PDE4A: variants seen among roughly 807,000 people sequenced by gnomAD.
The protein encoded by PDE4A is phosphodiesterase 4A.
Under a neutral mutation model 73.9 loss-of-function variants are expected in PDE4A, and 21 were observed. The observed-to-expected ratio is 0.28, with a 90% CI of 0.20 to 0.41. The LOEUF (loss-of-function observed/expected upper bound fraction) is 0.41, where lower values mean the gene tolerates loss of function less well. PDE4A is among the 10% of genes least tolerant of loss of function. The pLI is 1.00. For missense variants in PDE4A, 958 were observed against 1,211.4 expected (o/e 0.79, Z 3.10); for synonymous variants, 463 against 505.4 (o/e 0.92, Z 1.13).
chr19:10,466,796 T>A, intron 14 of PDE4A, 91 bp from the exon 15 acceptor site: 1 of 1,523,458 alleles, frequency 6.6e-7, no homozygotes, highest in Non-Finnish European at 8.8e-7. Context: ...GCCCGGCCCA[T>A]AAGCATGTTT....
rs749126870 is a variant in PDE4A at position 10,465,683 on chromosome 19, C to CTTTT, written c.1927-1173_1927-1170dup. 1.9e-3 allele frequency among the ~76,000 whole-genome samples: 90 copies of CTTTT among 48,390 alleles called. 3 individuals are homozygous for CTTTT. The highest frequency in any genetic ancestry group is 3.2e-3 in the East Asian group (5 of 1,586). 31.7% of individuals were successfully genotyped at this position (48,390 alleles called of 152,430 possible). A position where few individuals can be genotyped will look rare whatever the true frequency, so the allele number is the denominator to read the frequency against. Reference sequence around the variant, plus strand: ...TCATAGCAATAGTTTGTGGCTTTAGCTTTTTTTTTTTTTTTTTTTTTTTTT... The same window carrying CTTTT: ...TCATAGCAATAGTTTGTGGCTTTAGCTTTTTTTTTTTTTTTTTTTTTTTTTTTTT... On this transcript the variant is annotated intron_variant, in intron 14 of 14. Coordinates refer to ENST00000380702, the MANE Select transcript of PDE4A (RefSeq NM_001111307.2).
intron 6 of PDE4A, among the ~76,000 whole-genome samples, chr19:10,454,158 GT>G (rs2043136219): frequency 6.6e-6 from 1 of 152,158 alleles, no homozygotes; most frequent in South Asian, 2.1e-4. Flanking sequence ...CCCTTCTGGG[GT>G]TGGGGGAGAG....
At chr19:10,464,553 A>C in intron 14 of PDE4A, 1 of 419,538 alleles carries the variant, frequency 2.4e-6, no homozygotes, top group South Asian at 1.7e-5. Flanking sequence ...AGTAGCTGAG[A>C]ATACAGGTGC....
upstream of PDE4A, chr19:10,420,324 C>A (rs2042631558): frequency 1.1e-6 from 1 of 951,116 alleles, no homozygotes. The surrounding 1 kb of genome is among the most constrained non-coding windows in gnomAD (Gnocchi z 6.0). Flanking sequence ...TGAAGACAGA[C>A]GAGTTCCAGC....
chr19:10,458,662 A>C lies in PDE4A; in HGVS notation c.1101+560A>C, dbSNP rs1040746060. Among the ~76,000 whole-genome samples the C allele has an allele frequency of 3.4e-4, 51 of 152,142 alleles. No individual in the cohort carries two copies. Among genetic ancestry groups the C allele is most frequent in the African/African-American group, 1.1e-3 (46 of 41,418 alleles). On this transcript the variant is annotated intron_variant, in intron 8 of 14. Transcript: ENST00000380702. The surrounding 1 kb of genome is among the most constrained non-coding windows in gnomAD (Gnocchi z 4.6). ...GAGATGGAGACTCGCTCTGTTGCCC[A>C]GGTTGGAGTGCAGTAGTGTGATCTC...
intron 1 of PDE4A, among the ~76,000 whole-genome samples, chr19:10,422,686 C>G (rs918705676): frequency 6.6e-6 from 1 of 152,098 alleles, no homozygotes; most frequent in African/African-American, 2.4e-5. Flanking sequence ...GTTCTGATCA[C>G]CCCCCAGCCC....
In PDE4A at chr19:10,466,971, A is replaced by G; in HGVS notation, c.2011A>G (p.Thr671Ala). 6.2e-7 allele frequency: 1 copy of G among 1,614,126 alleles called. No individual in the cohort carries two copies. Among genetic ancestry groups the G allele is most frequent in the Non-Finnish European group, 8.5e-7 (1 of 1,180,024 alleles). Reference sequence around the variant, plus strand: ...CCCAGATGCCCAGGAGATCTTGGACACTTTGGAGGACAACCGGGACTGGTA... The same window carrying G: ...CCCAGATGCCCAGGAGATCTTGGACGCTTTGGAGGACAACCGGGACTGGTA... Reference protein sequence around the residue: ...VHPDAQEILDTLEDNRDWYYS... With the variant: ...VHPDAQEILDALEDNRDWYYS... The change falls in exon 15 of 15, where the codon ACT (threonine) becomes GCT (alanine). Residue 671 changes from threonine to alanine, a missense_variant. By Grantham distance (58) the Thr-to-Ala change is moderately conservative (BLOSUM62 0). This residue lies in a region of PDE4A where 570 missense variants were observed against 827.7 expected (regional missense o/e 0.69). Transcript: ENST00000380702.
At chr19:10,435,137 G>A (rs570689455) in intron 1 of PDE4A, among the ~76,000 whole-genome samples, 1 of 152,052 alleles carries the variant, frequency 6.6e-6, no homozygotes, top group Non-Finnish European at 1.5e-5. Context: ...CCAAGGCCTA[G>A]ACTCTCCCTG....
At chr19:10,437,030 T>G (rs1157114012) in intron 1 of PDE4A, among the ~76,000 whole-genome samples, 14 of 152,038 alleles carry the variant, frequency 9.2e-5, no homozygotes, top group Admixed American at 9.2e-4. Flanking sequence ...AGAGTGAGAC[T>G]CCATCTCAAA....
chr19:10,443,544 C>CA (rs58920826), intron 1 of PDE4A, among the ~76,000 whole-genome samples: 16,876 of 120,752 alleles, frequency 0.14, 1,313 homozygotes, highest in Middle Eastern at 0.24. Flanking sequence ...GACCCTGTCT[C>CA]AAAAAAAAAA....
intron 1 of PDE4A, among the ~76,000 whole-genome samples, chr19:10,427,241 A>G (rs908876890): frequency 6.6e-6 from 1 of 152,228 alleles, no homozygotes; most frequent in Non-Finnish European, 1.5e-5. Flanking sequence ...TGGAGGTTGC[A>G]GTGAGCCAAG....
At chr19:10,417,269 TGA>T (rs1373243229), upstream of PDE4A, 1 of 984,566 alleles carries the variant, frequency 1.0e-6, no homozygotes, top group Non-Finnish European at 1.2e-6. Context: ...GGTGAGGTCT[TGA>T]GAGTCTCAGA....
rs2043201130 is a variant in PDE4A, at chr19:10,458,086, A to G, written c.1085A>G (p.Glu362Gly). 1.2e-6 allele frequency: 2 copies of G among 1,613,736 alleles called. No homozygotes were observed. The highest frequency in any genetic ancestry group is 1.7e-6 in the Non-Finnish European group (2 of 1,180,034). Residue 362 changes from glutamate to glycine, a missense_variant, in exon 8 of 15, where the codon GAA becomes GGA. Glu to Gly is a moderately conservative substitution (Grantham distance 98, BLOSUM62 -2). Coordinates refer to ENST00000380702, the MANE Select transcript of PDE4A (RefSeq NM_001111307.2). This position sits in a 1 kb window ranked among gnomAD's most constrained non-coding sequence, Gnocchi z 4.6. Reference sequence around the variant, plus strand: ...CGATTTGGGGTGAAGACCGATCAAGAAGAGCTCCTGGCCCAAGTGGGTGGG... The same window carrying G: ...CGATTTGGGGTGAAGACCGATCAAGGAGAGCTCCTGGCCCAAGTGGGTGGG... Reference protein sequence around the residue: ...IPRFGVKTDQEELLAQELENL... With the variant: ...IPRFGVKTDQGELLAQELENL...
At chr19:10,430,235 C>G (rs1415684889) in intron 1 of PDE4A, among the ~76,000 whole-genome samples, 1 of 151,842 alleles carries the variant, frequency 6.6e-6, no homozygotes, top group African/African-American at 2.4e-5. Context: ...TGGGGGCATC[C>G]CTGGCATTTG....
chr19:10,435,589 CACAA>C (rs544410922), intron 1 of PDE4A, among the ~76,000 whole-genome samples: 403 of 151,782 alleles, frequency 2.7e-3, no homozygotes, highest in Non-Finnish European at 3.2e-3. Context: ...CACACACACA[CACAA>C]ACAAACAAAC....
At chr19:10,427,949 C>A in intron 1 of PDE4A, 8 of 501,290 alleles carry the variant, frequency 1.6e-5, no homozygotes, top group Non-Finnish European at 2.0e-5. Flanking sequence ...GAGCCAATAT[C>A]ATGTCACTTG....
At chr19:10,417,670 A>G (rs1008434876), upstream of PDE4A, 10 of 1,594,214 alleles carry the variant, frequency 6.3e-6, no homozygotes, top group Non-Finnish European at 8.5e-6. Context: ...AGGTCGAGGG[A>G]GACCCCCGAA....
At chr19:10,431,180 C>T in intron 1 of PDE4A, 2 of 865,242 alleles carry the variant, frequency 2.3e-6, no homozygotes, top group Non-Finnish European at 3.3e-6. Context: ...TCTCCAGCCT[C>T]ACTTTCCTCT....
chr19:10,440,692 G>A (rs762597944), intron 1 of PDE4A, among the ~76,000 whole-genome samples: 6 of 152,190 alleles, frequency 3.9e-5, no homozygotes, highest in African/African-American at 7.2e-5. Context: ...TCCACCTTCC[G>A]GGTTCAAGCA....
Sources: gnomAD v4.1 joint callset for allele counts (sites outside exome capture counted in the v4.1 genomes callset) on GRCh38, gnomAD v4.1.1 for gene constraint, gnomAD v4.1.1 regional missense constraint, Gnocchi (gnomAD v3.1) non-coding constraint, MANE v1.5 for transcripts, NCBI Gene and HGNC (gene_info 2026-07-23, HGNC 2026-07-21) for gene names.